Variants in PDE4D observed in about 807,000 individuals in gnomAD.
PDE4D encodes phosphodiesterase 4D.
In PDE4D, 24 loss-of-function variants were observed where a neutral mutation model predicts 87.4. The observed-to-expected ratio is 0.27, with a 90% CI of 0.20 to 0.39. PDE4D has a LOEUF of 0.39. PDE4D is among the 10% of genes least tolerant of loss of function. The probability of loss-of-function intolerance (pLI) is 1.00; values close to 1 mark genes in which losing one functional copy is unlikely to be tolerated. For missense variants in PDE4D, 714 were observed against 1,041.0 expected (o/e 0.69, Z 4.32); for synonymous variants, 384 against 383.2 (o/e 1.00, Z -0.02).
intron 1 of PDE4D, among the ~76,000 whole-genome samples, chr5:60,197,430 G>A (rs183898947): frequency 9.9e-5 from 15 of 151,554 alleles, no homozygotes; most frequent in African/African-American, 3.4e-4. Context: ...AAAAATACAA[G>A]TGAATTATTT....
intron 1 of PDE4D, among the ~76,000 whole-genome samples, chr5:59,579,319 T>G (rs1823686710): frequency 3.9e-5 from 6 of 152,128 alleles, no homozygotes; most frequent in Admixed American, 3.9e-4. Context: ...CCCCTATGAA[T>G]AAATAACTCA....
rs1307420904 is a variant in PDE4D, at chr5:59,698,944, T to C, written c.455+194224A>G. 7.2e-5 allele frequency among the ~76,000 whole-genome samples: 11 copies of C among 152,170 alleles called. 1 individual carries two copies. On this transcript the variant is annotated intron_variant, in intron 1 of 14. Transcript: ENST00000340635. ...TGAGAGTGGAGGTTTCACTTGGCCA[T>C]TGGGCTCAAGAGGCCTTAAAGTGGG...
intron 1 of PDE4D, among the ~76,000 whole-genome samples, chr5:59,633,587 CATTCTT>C (rs1831849754): frequency 1.3e-5 from 2 of 152,204 alleles, no homozygotes; most frequent in South Asian, 4.1e-4. Flanking sequence ...CAATATTCAA[CATTCTT>C]AAAGAGAAGA....
At chr5:59,681,628 C>T (rs569654720) in intron 1 of PDE4D, among the ~76,000 whole-genome samples, 11 of 152,052 alleles carry the variant, frequency 7.2e-5, no homozygotes, top group African/African-American at 2.4e-4. Flanking sequence ...GGGCCAGGTG[C>T]GGTGGCTAAG....
chr5:59,290,284 G>A (rs757346905), intron 1 of PDE4D, among the ~76,000 whole-genome samples: 2 of 151,800 alleles, frequency 1.3e-5, no homozygotes, highest in Non-Finnish European at 2.9e-5. Context: ...CATCTACAGC[G>A]AACTCATTTT....
intron 5 of PDE4D, among the ~76,000 whole-genome samples, chr5:59,173,481 C>T (rs980997090): frequency 3.9e-5 from 6 of 152,054 alleles, no homozygotes; most frequent in African/African-American, 7.2e-5. Context: ...ATGTTTTTAC[C>T]GGAAGATTCT....
intron 1 of PDE4D, among the ~76,000 whole-genome samples, chr5:59,248,503 A>T (rs993196056): frequency 6.6e-6 from 1 of 152,004 alleles, no homozygotes. Flanking sequence ...TGCTACTGTA[A>T]TTAAATAATC....
intron 2 of PDE4D, among the ~76,000 whole-genome samples, chr5:60,040,782 A>G (rs1768387029): frequency 6.6e-6 from 1 of 152,356 alleles, no homozygotes; most frequent in South Asian, 2.1e-4. Context: ...AATTAAAAAC[A>G]GACATAAACT....
intron 2 of PDE4D, among the ~76,000 whole-genome samples, chr5:60,054,276 A>T (rs905977243): frequency 6.6e-6 from 1 of 152,230 alleles, no homozygotes; most frequent in Non-Finnish European, 1.5e-5. Flanking sequence ...AAAGACTTGG[A>T]ACCAACCCAA....
At chr5:60,415,717 G>A (rs1285141677) in intron 1 of PDE4D, among the ~76,000 whole-genome samples, 1 of 152,240 alleles carries the variant, frequency 6.6e-6, no homozygotes, top group East Asian at 1.9e-4. Context: ...ATGGGCTCCT[G>A]TGCAGCCCGA....
intron 1 of PDE4D, among the ~76,000 whole-genome samples, chr5:60,303,358 G>T (rs910040868): frequency 1.4e-5 from 2 of 147,860 alleles, no homozygotes; most frequent in Admixed American, 1.3e-4. Flanking sequence ...GCCCAGGCTG[G>T]AGTGCAGTGG....
chr5:59,738,731 T>C (rs1758431096), intron 1 of PDE4D, among the ~76,000 whole-genome samples: 2 of 151,702 alleles, frequency 1.3e-5, no homozygotes, highest in Non-Finnish European at 2.9e-5. Context: ...ATTTCTATAC[T>C]CTAGAGTATA....
intron 5 of PDE4D, among the ~76,000 whole-genome samples, chr5:59,114,627 A>G (rs1279362086): frequency 6.6e-6 from 1 of 152,164 alleles, no homozygotes; most frequent in Non-Finnish European, 1.5e-5. Context: ...GAAAGCAGGA[A>G]TGGAGAATGG....
chr5:60,500,308 A>C (rs1322961730), intron 1 of PDE4D, among the ~76,000 whole-genome samples: 1 of 152,118 alleles, frequency 6.6e-6, no homozygotes, highest in Non-Finnish European at 1.5e-5. Flanking sequence ...AGTCTCAAAA[A>C]AATAAAAATA....
chr5:59,463,992 G>C (rs1801157472), intron 1 of PDE4D, among the ~76,000 whole-genome samples: 1 of 152,180 alleles, frequency 6.6e-6, no homozygotes, highest in African/African-American at 2.4e-5. Flanking sequence ...TGCAAGATGT[G>C]CTTTGTTAAA....
rs140575408 is a variant in PDE4D, at chr5:60,464,037, C to G, written c.-90+23905G>C. Among the ~76,000 whole-genome samples the G allele has an allele frequency of 4.4e-4, 67 of 152,262 alleles. 1 individual carries two copies. Among genetic ancestry groups the G allele is most frequent in the African/African-American group, 1.6e-3 (66 of 41,554 alleles). On this transcript the variant is annotated intron_variant, in intron 1 of 16. Transcript: ENST00000502484. Reference sequence around the variant, plus strand: ...TCTTTCCTTCTTTCTCTCTCTCCCCCTCCCCATCCCACACACACTCATACA... The same window carrying G: ...TCTTTCCTTCTTTCTCTCTCTCCCCGTCCCCATCCCACACACACTCATACA...
At chr5:60,200,187 C>T (rs935181023) in intron 1 of PDE4D, among the ~76,000 whole-genome samples, 1 of 151,624 alleles carries the variant, frequency 6.6e-6, no homozygotes, top group African/African-American at 2.4e-5. Flanking sequence ...TCAATTCCCA[C>T]AAAATTCTGT....
At chr5:59,666,803 G>A (rs1469313644) in intron 1 of PDE4D, among the ~76,000 whole-genome samples, 1 of 152,210 alleles carries the variant, frequency 6.6e-6, no homozygotes, top group Non-Finnish European at 1.5e-5. Flanking sequence ...TGAAAGTGAT[G>A]GCTTATAATT....
chr5:59,259,891 C>T (rs1419680304), intron 1 of PDE4D, among the ~76,000 whole-genome samples: 1 of 151,724 alleles, frequency 6.6e-6, no homozygotes, highest in African/African-American at 2.4e-5. Context: ...TTCTCTCCGT[C>T]GGTCTGAATG....
Sources: allele counts gnomAD v4.1 joint callset (sites outside exome capture counted in the v4.1 genomes callset), GRCh38; gene constraint gnomAD v4.1.1; transcripts MANE v1.5; gene names NCBI Gene and HGNC (gene_info 2026-07-23, HGNC 2026-07-21).